Variants in DLGAP2 observed in about 807,000 individuals in gnomAD.
The protein encoded by DLGAP2 is disks large-associated protein 2.
In DLGAP2, 26 loss-of-function variants were observed where a neutral mutation model predicts 100.3. The observed-to-expected ratio is 0.26, with a 90% CI of 0.19 to 0.36. DLGAP2 has a LOEUF of 0.36. Ranked by LOEUF, DLGAP2 falls within the 10% of genes least tolerant of loss-of-function variation. The probability of loss-of-function intolerance (pLI) is 1.00; values close to 1 mark genes in which losing one functional copy is unlikely to be tolerated. For missense variants in DLGAP2, 1,858 were observed against 1,453.2 expected, an observed-to-expected ratio of 1.28 and a Z score of -4.53; for synonymous variants, 886 against 630.1, an observed-to-expected ratio of 1.41 and a Z score of -6.08.
chr8:1,517,648 ACAG>A (rs1241373099), intron 4 of DLGAP2, among the ~76,000 whole-genome samples: 1 of 152,138 alleles, frequency 6.6e-6, no homozygotes, highest in Non-Finnish European at 1.5e-5. Context: ...AATGCACCAC[ACAG>A]CAGAAGGGCC....
At chr8:1,542,528 A>C (rs1000183860) in intron 4 of DLGAP2, among the ~76,000 whole-genome samples, 2 of 152,184 alleles carry the variant, frequency 1.3e-5, no homozygotes, top group South Asian at 4.1e-4. Flanking sequence ...TTCCCATGGC[A>C]TAAGGTTTTG....
At chr8:754,099 A>C (rs1326219219) in intron 1 of DLGAP2, 1 of 152,210 alleles carries the variant, frequency 6.6e-6, no homozygotes, top group African/African-American at 2.4e-5. Context: ...GTGGGGAGTG[A>C]GTGGTACAGC....
At chr8:1,282,513 G>A (rs1242508062) in intron 3 of DLGAP2, among the ~76,000 whole-genome samples, 22 of 130,908 alleles carry the variant, frequency 1.7e-4, no homozygotes, top group African/African-American at 5.5e-4. Context: ...TCCAGACGTG[G>A]TGTGACCTGA....
intron 3 of DLGAP2, among the ~76,000 whole-genome samples, chr8:1,496,350 G>A (rs748360154): frequency 5.9e-5 from 9 of 152,126 alleles, no homozygotes; most frequent in Non-Finnish European, 1.3e-4. Flanking sequence ...CTGCAGGTCT[G>A]TCTGCGCCTC....
intron 2 of DLGAP2, among the ~76,000 whole-genome samples, chr8:1,037,060 A>G (rs1802148225): frequency 6.6e-6 from 1 of 152,118 alleles, no homozygotes; most frequent in Non-Finnish European, 1.5e-5. Flanking sequence ...GAGCTCCCTC[A>G]TGGCGGACAG....
intron 2 of DLGAP2, among the ~76,000 whole-genome samples, chr8:958,361 C>A (rs1799643331): frequency 6.6e-6 from 1 of 152,122 alleles, no homozygotes; most frequent in Non-Finnish European, 1.5e-5. Flanking sequence ...GACACTGGGG[C>A]ATGAGTATGC....
At chr8:754,420 G>A (rs1272067507) in intron 1 of DLGAP2, among the ~76,000 whole-genome samples, 1 of 152,188 alleles carries the variant, frequency 6.6e-6, no homozygotes, top group African/African-American at 2.4e-5. Flanking sequence ...TGTTTTACCT[G>A]CCTTCCTCTG....
chr8:1,230,610 A>G lies in DLGAP2; in HGVS notation c.74-28241A>G, dbSNP rs554697336. Among the ~76,000 whole-genome samples the G allele has an allele frequency of 5.3e-5, 8 of 152,334 alleles. No homozygotes were observed. The East Asian group carries it at 7.7e-4, about 15-fold the overall frequency. On this transcript the variant is annotated intron_variant, in intron 2 of 14. Coordinates refer to ENST00000637795, the MANE Select transcript of DLGAP2 (RefSeq NM_001346810.2). ...ATCATGTTACCTGACTTCAAACTGT[A>G]CTATAAACCTACAGTAACCAAATAG...
At chr8:1,283,599 C>A (rs1248857473) in intron 3 of DLGAP2, among the ~76,000 whole-genome samples, 9 of 152,318 alleles carry the variant, frequency 5.9e-5, no homozygotes, top group Admixed American at 6.5e-5. Flanking sequence ...GCTTAAAATG[C>A]AGAAAGGAAC....
chr8:915,332 G>C (rs921978549), intron 2 of DLGAP2, among the ~76,000 whole-genome samples: 7 of 152,196 alleles, frequency 4.6e-5, no homozygotes, highest in Admixed American at 2.0e-4. Context: ...TGGATCACAA[G>C]GTCAGGAGAT....
rs112515436 is a variant in DLGAP2 at position 1,689,328 on chromosome 8, C to T, written c.2705-2207C>T. Among the ~76,000 whole-genome samples, 427 of 152,286 alleles carry T rather than the reference C, an allele frequency of 2.8e-3. 3 individuals carry two copies. The highest frequency in any genetic ancestry group is 9.5e-3 in the African/African-American group (393 of 41,560). On this transcript the variant is annotated intron_variant, in intron 12 of 14. Coordinates refer to ENST00000637795, the MANE Select transcript of DLGAP2 (RefSeq NM_001346810.2). ...GTGAGGCACAGGTGGGTCTGCAAGG[C>T]CCCTTGAGCTCCAAGCACCTGCATG...
intron 3 of DLGAP2, among the ~76,000 whole-genome samples, chr8:1,317,090 A>G (rs1402504347): frequency 7.4e-6 from 1 of 135,988 alleles, no homozygotes; most frequent in African/African-American, 2.9e-5. Flanking sequence ...GACACTCGGC[A>G]GCGTTTAAAA....
At chr8:786,920 C>A (rs1390639288) in intron 1 of DLGAP2, among the ~76,000 whole-genome samples, 1 of 152,068 alleles carries the variant, frequency 6.6e-6, no homozygotes, top group African/African-American at 2.4e-5. Context: ...GATGAGATGC[C>A]TCAAAACACT....
At chr8:1,212,826 G>A (rs13266215) in intron 2 of DLGAP2, among the ~76,000 whole-genome samples, 1 of 133,948 alleles carries the variant, frequency 7.5e-6, no homozygotes, top group Non-Finnish European at 1.5e-5. Flanking sequence ...TCATGTTTCT[G>A]AATAAGAATG....
At chr8:788,557 A>T (rs560799299) in intron 1 of DLGAP2, among the ~76,000 whole-genome samples, 1 of 152,346 alleles carries the variant, frequency 6.6e-6, no homozygotes, top group African/African-American at 2.4e-5. Flanking sequence ...GATAGTAGCC[A>T]TTTACAAATA....
At chr8:1,369,171 C>T (rs1003287045) in intron 3 of DLGAP2, 3 of 152,160 alleles carry the variant, frequency 2.0e-5, no homozygotes, top group African/African-American at 7.2e-5. Context: ...TCAAAGCTTT[C>T]AAGGCTGGTG....
At chr8:1,162,702 G>C (rs914794103) in intron 2 of DLGAP2, among the ~76,000 whole-genome samples, 2 of 152,240 alleles carry the variant, frequency 1.3e-5, no homozygotes, top group Non-Finnish European at 2.9e-5. Context: ...ATAGTTTAGT[G>C]TGCAAACAGC....
intron 2 of DLGAP2, chr8:1,248,755 A>C (rs1037897227): frequency 1.3e-5 from 2 of 152,684 alleles, no homozygotes; most frequent in Non-Finnish European, 2.9e-5. Flanking sequence ...GTGGACGGTG[A>C]GGTTCACTGT....
At chr8:787,299 G>A (rs1447298099) in intron 1 of DLGAP2, among the ~76,000 whole-genome samples, 9 of 152,160 alleles carry the variant, frequency 5.9e-5, no homozygotes, top group Non-Finnish European at 1.3e-4. Flanking sequence ...TTTGCCTGTC[G>A]ATGGTGATAC....
Sources: gnomAD v4.1 joint callset for allele counts (sites outside exome capture counted in the v4.1 genomes callset) on GRCh38, gnomAD v4.1.1 for gene constraint, MANE v1.5 for transcripts, NCBI Gene and HGNC (gene_info 2026-07-23, HGNC 2026-07-21) for gene names.